The following CDYL2 variants were observed in gnomAD, a reference collection of about 807,000 sequenced individuals.
The protein encoded by CDYL2 is chromodomain Y like 2.
CDYL2 carries 23 observed loss-of-function variants against 49.4 expected under a neutral mutation model. The observed-to-expected ratio is 0.47, with a 90% CI of 0.34 to 0.66. The LOEUF (loss-of-function observed/expected upper bound fraction) is 0.66, where lower values mean the gene tolerates loss of function less well. Among genes scored for constraint, CDYL2 ranks in the 30% least tolerant of loss-of-function variants. CDYL2 has a pLI of 0.01. For synonymous variants in CDYL2, 360 were observed against 268.8 expected (o/e 1.34, Z -3.32); for missense variants, 678 against 656.4 (o/e 1.03, Z -0.36).
At chr16:80,733,341 T>C (rs1905400016) in intron 1 of CDYL2, among the ~76,000 whole-genome samples, 1 of 152,182 alleles carries the variant, frequency 6.6e-6, no homozygotes, top group African/African-American at 2.4e-5. Context: ...GAGTTGGAAA[T>C]CATTTTATAT....
At chr16:80,709,283 G>A (rs1904509782) in intron 1 of CDYL2, among the ~76,000 whole-genome samples, 1 of 151,610 alleles carries the variant, frequency 6.6e-6, no homozygotes, top group African/African-American at 2.4e-5. Context: ...TCAGGAGACT[G>A]AGGCAAGAGA....
At chr16:80,796,344 G>A (rs1907767890) in intron 1 of CDYL2, among the ~76,000 whole-genome samples, 1 of 152,156 alleles carries the variant, frequency 6.6e-6, no homozygotes, top group Non-Finnish European at 1.5e-5. Context: ...GACCTTCACA[G>A]CAACACCTAG....
rs142232558 is a variant in CDYL2, at chr16:80,768,903, A to G, written c.24+35247T>C. On this transcript the variant is annotated intron_variant, in intron 1 of 6. Coordinates refer to ENST00000570137, the MANE Select transcript of CDYL2 (RefSeq NM_152342.4). ...TAAAACACTTAGAAAATGGCATATA[A>G]TAAGTATCCATAAATATTAGCTATT... Among the ~76,000 whole-genome samples the G allele has an allele frequency of 3.0e-3, 459 of 152,348 alleles. 3 individuals are homozygous for G. Among genetic ancestry groups the G allele is most frequent in the African/African-American group, 0.011 (448 of 41,572 alleles).
At chr16:80,798,655 G>A (rs1469586437) in intron 1 of CDYL2, among the ~76,000 whole-genome samples, 1 of 152,154 alleles carries the variant, frequency 6.6e-6, no homozygotes, top group African/African-American at 2.4e-5. Context: ...TCAACAGTAT[G>A]CTACTAGTAG....
At chr16:80,743,341 T>C (rs2142554301) in intron 1 of CDYL2, among the ~76,000 whole-genome samples, 1 of 152,318 alleles carries the variant, frequency 6.6e-6, no homozygotes, top group Non-Finnish European at 1.5e-5. Context: ...AATCTCTTCG[T>C]TTTATAAAAT....
At chr16:80,686,595 G>C (rs1481105812) in intron 1 of CDYL2, among the ~76,000 whole-genome samples, 1 of 152,142 alleles carries the variant, frequency 6.6e-6, no homozygotes, top group Admixed American at 6.5e-5. Flanking sequence ...AATACATGGG[G>C]TAATTTATAT....
chr16:80,646,257 C>G (rs1420195617), intron 2 of CDYL2, among the ~76,000 whole-genome samples: 2 of 151,710 alleles, frequency 1.3e-5, no homozygotes, highest in African/African-American at 2.4e-5. Flanking sequence ...CTATATCACT[C>G]AAGCCAAAAA....
intron 1 of CDYL2, among the ~76,000 whole-genome samples, chr16:80,801,789 A>AAT (rs1907934920): frequency 6.6e-6 from 1 of 152,226 alleles, no homozygotes; most frequent in African/African-American, 2.4e-5. Context: ...TACAGTCAGA[A>AAT]ATATATATGC....
At chr16:80,803,087 G>A (rs1597140634) in intron 1 of CDYL2, among the ~76,000 whole-genome samples, 2 of 152,296 alleles carry the variant, frequency 1.3e-5, no homozygotes, top group East Asian at 3.9e-4. Flanking sequence ...ACCTGGTCTT[G>A]GCGGCCAACA....
chr16:80,780,117 C>A (rs1907215262), intron 1 of CDYL2, among the ~76,000 whole-genome samples: 1 of 152,008 alleles, frequency 6.6e-6, no homozygotes, highest in South Asian at 2.1e-4. Flanking sequence ...AAACTGTGAC[C>A]AGAATTTTTT....
Position 80,600,998 on chromosome 16 carries a change from C to T in CDYL2, c.*3390G>A, listed in dbSNP as rs1221273733. On this transcript the variant is annotated 3_prime_UTR_variant, in exon 7 of 7. Transcript: ENST00000570137. ...GAACATTTCCTAGTTTAATCTATAC[C>T]AAACAAGAATGATATTTTAAATCAA... The T allele has an allele frequency of 6.6e-6, 1 of 152,160 alleles. No individual in the cohort carries two copies. Among genetic ancestry groups the T allele is most frequent in the African/African-American group, 2.4e-5 (1 of 41,430 alleles). 9.4% of individuals were successfully genotyped at this position (152,160 alleles called of 1,614,324 possible).
At chr16:80,720,659 T>A (rs542847080) in intron 1 of CDYL2, among the ~76,000 whole-genome samples, 152 of 152,338 alleles carry the variant, frequency 1.0e-3, no homozygotes, top group African/African-American at 3.5e-3. Flanking sequence ...CTGGCATTTC[T>A]TCCTGGGATT....
intron 2 of CDYL2, among the ~76,000 whole-genome samples, chr16:80,681,785 C>G (rs551516927): frequency 6.6e-6 from 1 of 152,304 alleles, no homozygotes; most frequent in African/African-American, 2.4e-5. Flanking sequence ...AGCATGGGGC[C>G]AGAGGCCGGC....
intron 1 of CDYL2, among the ~76,000 whole-genome samples, chr16:80,761,897 AAC>A (rs1459581301): frequency 2.0e-5 from 3 of 151,510 alleles, no homozygotes; most frequent in African/African-American, 4.8e-5. Flanking sequence ...AAAAAAAAAA[AAC>A]AAAGACTGGC....
chr16:80,728,870 G>A (rs1030780314), intron 1 of CDYL2, among the ~76,000 whole-genome samples: 1 of 151,242 alleles, frequency 6.6e-6, no homozygotes, highest in African/African-American at 2.4e-5. Flanking sequence ...AAGTGAAGGA[G>A]AAATAAAATA....
intron 1 of CDYL2, among the ~76,000 whole-genome samples, chr16:80,712,187 G>GTGTATGTA (rs1555532102): frequency 5.2e-5 from 2 of 38,098 alleles, no homozygotes; most frequent in African/African-American, 2.8e-4. Flanking sequence ...TTGTGTCTGT[G>GTGTATGTA]TGTGTATATA....
chr16:80,737,433 C>T (rs1905575437), intron 1 of CDYL2, among the ~76,000 whole-genome samples: 1 of 152,136 alleles, frequency 6.6e-6, no homozygotes, highest in South Asian at 2.1e-4. Flanking sequence ...CCAGCAAGTA[C>T]CAAAGCTGGG....
At chr16:80,794,109 A>G (rs1403055656) in intron 1 of CDYL2, among the ~76,000 whole-genome samples, 1 of 152,230 alleles carries the variant, frequency 6.6e-6, no homozygotes, top group African/African-American at 2.4e-5. Context: ...CCTCTAACAC[A>G]CAATATTGTC....
intron 1 of CDYL2, among the ~76,000 whole-genome samples, chr16:80,700,981 G>A (rs1258223650): frequency 6.6e-6 from 1 of 152,246 alleles, no homozygotes; most frequent in Non-Finnish European, 1.5e-5. Context: ...GGGTCTCTGA[G>A]GGACTCGGCG....
Sources: gnomAD v4.1 joint callset for allele counts (sites outside exome capture counted in the v4.1 genomes callset) on GRCh38, gnomAD v4.1.1 for gene constraint, MANE v1.5 for transcripts, NCBI Gene and HGNC (gene_info 2026-07-23, HGNC 2026-07-21) for gene names.